The following TENM2 variants were observed in gnomAD, a reference collection of about 807,000 sequenced individuals.
The protein encoded by TENM2 is teneurin-2.
A neutral mutation model predicts 245.2 loss-of-function variants in TENM2; 52 were observed. That is an observed-to-expected ratio of 0.21 (90% confidence interval 0.17 to 0.27). The LOEUF (loss-of-function observed/expected upper bound fraction) is 0.27, where lower values mean the gene tolerates loss of function less well. Ranked by LOEUF, TENM2 falls within the 10% of genes least tolerant of loss-of-function variation. TENM2 has a pLI of 1.00. For missense variants in TENM2, 3,046 were observed against 3,666.8 expected, an observed-to-expected ratio of 0.83 and a Z score of 4.37; for synonymous variants, 1,363 against 1,438.9, an observed-to-expected ratio of 0.95 and a Z score of 1.19.
At chr5:167,860,415 T>TG (rs1211067977) in intron 2 of TENM2, among the ~76,000 whole-genome samples, 5 of 63,338 alleles carry the variant, frequency 7.9e-5, no homozygotes, top group East Asian at 5.2e-4. Context: ...GGGAGGGAGG[T>TG]GGGGGGGGGT....
At chr5:168,104,003 G>GGTTTGTTT (rs61381928) in intron 9 of TENM2, among the ~76,000 whole-genome samples, 3,045 of 149,988 alleles carry the variant, frequency 0.02, 39 homozygotes, top group East Asian at 0.062. Context: ...TTTCTTTTCT[G>GGTTTGTTT]GTTTGTTTGT....
the TENM2 span, among the ~76,000 whole-genome samples, chr5:167,075,426 G>A: frequency 6.6e-6 from 1 of 152,174 alleles, no homozygotes; most frequent in Non-Finnish European, 1.5e-5. Context: ...CAAGGTGATT[G>A]GGAAAGTAGG....
the TENM2 span, among the ~76,000 whole-genome samples, chr5:167,261,077 T>G: frequency 6.6e-6 from 1 of 152,192 alleles, no homozygotes; most frequent in Non-Finnish European, 1.5e-5. Flanking sequence ...GCATCAGCAT[T>G]ACTTGGAAAT....
intron 2 of TENM2, among the ~76,000 whole-genome samples, chr5:167,478,603 G>T (rs899675841): frequency 6.6e-6 from 1 of 152,124 alleles, no homozygotes; most frequent in Non-Finnish European, 1.5e-5. Flanking sequence ...CCTTTCTGGG[G>T]TTACTCTATA....
intron 3 of TENM2, among the ~76,000 whole-genome samples, chr5:167,935,890 GA>G (rs1778666990): frequency 1.3e-5 from 2 of 152,012 alleles, no homozygotes; most frequent in Non-Finnish European, 2.9e-5. Flanking sequence ...AAACAGGTAT[GA>G]TTTTTTTTTT....
chr5:168,198,708 G>C, intron 15 of TENM2, 145 bp from the exon 18 acceptor site: 1 of 1,038,120 alleles, frequency 9.6e-7, no homozygotes, highest in Admixed American at 2.3e-5. Context: ...TAGAGTTTGG[G>C]TTCCAGCCCC....
At position 167,622,975 on chromosome 5, in the gene TENM2, T is replaced by C. The variant is rs115627664; in HGVS notation, c.502+247502T>C. The stretch of plus-strand genomic sequence containing the variant: ...CCTAACAATGTATAGTTGTCTGTAC[T>C]TGTGGCAGGGAAAAGAGAAAAGGCA... On this transcript the variant is annotated intron_variant, in intron 2 of 28. Coordinates refer to ENST00000518659, the Ensembl canonical transcript of TENM2. Among the ~76,000 whole-genome samples the C allele has an allele frequency of 7.9e-3, 1,209 of 152,272 alleles. 18 individuals carry two copies. Among genetic ancestry groups the C allele is most frequent in the African/African-American group, 0.028 (1,143 of 41,558 alleles).
rs949578112 is a variant in TENM2, at chr5:168,141,040, G to A, written c.2422+14074G>A. On this transcript the variant is annotated intron_variant, in intron 12 of 28. Coordinates refer to ENST00000518659, the Ensembl canonical transcript of TENM2. ...CTGTATGACTGGGTTCAAGAGCTTT[G>A]CTACATAGTCCCGCTGGGCTATGCC... Among the ~76,000 whole-genome samples, 4 of 152,010 alleles carry A rather than the reference G, an allele frequency of 2.6e-5. No individual in the cohort carries two copies. The East Asian group carries it at 7.8e-4, about 29-fold the overall frequency.
the TENM2 span, among the ~76,000 whole-genome samples, chr5:167,144,465 G>A: frequency 6.6e-6 from 1 of 152,206 alleles, no homozygotes. Flanking sequence ...CAAAAGCTAA[G>A]CCCAGAGAGG....
chr5:167,695,571 C>A (rs1582773924), intron 2 of TENM2, among the ~76,000 whole-genome samples: 1 of 152,044 alleles, frequency 6.6e-6, no homozygotes, highest in Non-Finnish European at 1.5e-5. Context: ...TACATTTTAA[C>A]AGAGGGAAAG....
intron 5 of TENM2, among the ~76,000 whole-genome samples, chr5:168,037,723 A>T (rs757896748): frequency 2.6e-5 from 4 of 152,162 alleles, no homozygotes; most frequent in Non-Finnish European, 5.9e-5. Flanking sequence ...TTCTTTAAGG[A>T]GATGGAAGAG....
At chr5:167,159,869 A>G in the TENM2 span, among the ~76,000 whole-genome samples, 1 of 152,176 alleles carries the variant, frequency 6.6e-6, no homozygotes, top group Non-Finnish European at 1.5e-5. Flanking sequence ...GATGACTGGT[A>G]GAGTAGAGAG....
At chr5:167,256,418 G>A in the TENM2 span, among the ~76,000 whole-genome samples, 1 of 152,078 alleles carries the variant, frequency 6.6e-6, no homozygotes, top group Non-Finnish European at 1.5e-5. Flanking sequence ...AGAAATGATG[G>A]GCATATTTAA....
intron 4 of TENM2, among the ~76,000 whole-genome samples, chr5:167,970,524 T>C (rs1329960861): frequency 6.6e-6 from 1 of 152,204 alleles, no homozygotes; most frequent in Non-Finnish European, 1.5e-5. Context: ...CCTTATCAAG[T>C]TGAATGACTT....
intron 2 of TENM2, among the ~76,000 whole-genome samples, chr5:167,394,434 T>C (rs1761937134): frequency 6.6e-6 from 1 of 152,162 alleles, no homozygotes; most frequent in African/African-American, 2.4e-5. Flanking sequence ...ACTATATAAA[T>C]GTGGCTTTAT....
At chr5:168,205,422 A>G (rs541729392) in intron 19 of TENM2, among the ~76,000 whole-genome samples, 2 of 152,260 alleles carry the variant, frequency 1.3e-5, no homozygotes, top group South Asian at 4.1e-4. Context: ...AAAAAATAAT[A>G]ATTTCCTGTA....
intron 2 of TENM2, among the ~76,000 whole-genome samples, chr5:167,665,410 G>A (rs72821810): frequency 1.3e-5 from 2 of 152,010 alleles, no homozygotes; most frequent in African/African-American, 2.4e-5. Context: ...AAAACATCTG[G>A]AGGCTGAGGG....
intron 2 of TENM2, among the ~76,000 whole-genome samples, chr5:167,801,528 G>A (rs1450834051): frequency 6.6e-6 from 1 of 152,084 alleles, no homozygotes; most frequent in East Asian, 1.9e-4. Flanking sequence ...AATGGAGCTA[G>A]TACAAAGAAT....
At chr5:167,396,642 C>T (rs1447252721) in intron 2 of TENM2, among the ~76,000 whole-genome samples, 1 of 152,106 alleles carries the variant, frequency 6.6e-6, no homozygotes, top group Non-Finnish European at 1.5e-5. Context: ...TATTCAGTGC[C>T]AGTGGCATGA....
Sources: gnomAD v4.1 joint callset for allele counts (sites outside exome capture counted in the v4.1 genomes callset) on GRCh38, gnomAD v4.1.1 for gene constraint, MANE v1.5 for transcripts, NCBI Gene and HGNC (gene_info 2026-07-23, HGNC 2026-07-21) for gene names.